LRRK2: variants seen among roughly 807,000 people sequenced by gnomAD.
LRRK2 encodes leucine-rich repeat serine/threonine-protein kinase 2.
In LRRK2, 203 loss-of-function variants were observed where a neutral mutation model predicts 302.6. That is an observed-to-expected ratio of 0.67 (90% CI 0.60 to 0.75). The LOEUF is 0.75. LRRK2 is among the 30% of genes least tolerant of loss of function. LRRK2 has a pLI of 0.00. For missense variants in LRRK2, 2,830 were observed against 2,951.0 expected (o/e 0.96, Z 0.95); for synonymous variants, 1,066 against 1,031.9 (o/e 1.03, Z -0.63).
chr12:40,313,429 T>G (rs1245221389), intron 31 of LRRK2, among the ~76,000 whole-genome samples: 2 of 152,022 alleles, frequency 1.3e-5, no homozygotes, highest in Admixed American at 6.6e-5. Context: ...TTTCCCAAGT[T>G]CAAGGTTCCA....
Position 40,364,990 on chromosome 12 carries a change from C to T in LRRK2, c.7330C>T (p.Leu2444Phe), listed in dbSNP as rs1946833548. 1 of 1,612,632 alleles carries T rather than the reference C, an allele frequency of 6.2e-7. No homozygotes were observed. Among genetic ancestry groups the T allele is most frequent in the Non-Finnish European group, 8.5e-7 (1 of 1,179,078 alleles). ...ACTCCTGGATCTTTCAACTCGTCGA[C>T]TTATACGTGTAATTTACAACTTTTG... The part of the protein sequence containing the change: ...ILLLDLSTRR[L>F]IRVIYNFCNS... The change falls in exon 49 of 51, where the codon CTT becomes TTT. Residue 2444 changes from leucine (L) to phenylalanine (F), a missense_variant. Physicochemically the swap from Leu to Phe is conservative, Grantham distance 22. Coordinates refer to ENST00000298910, the MANE Select transcript of LRRK2 (RefSeq NM_198578.4).
chr12:40,296,995 G>T (rs898565772), intron 23 of LRRK2, among the ~76,000 whole-genome samples: 26 of 152,080 alleles, frequency 1.7e-4, no homozygotes, highest in African/African-American at 6.3e-4. Flanking sequence ...AACACCTGAT[G>T]CTTTCCACCT....
chr12:40,272,687 A>C (rs1288833321), intron 14 of LRRK2, among the ~76,000 whole-genome samples: 1 of 152,162 alleles, frequency 6.6e-6, no homozygotes, highest in Non-Finnish European at 1.5e-5. Flanking sequence ...GAGATGGGTA[A>C]AGGAATGATT....
chr12:40,294,545 A>C (rs1944305404), intron 21 of LRRK2, among the ~76,000 whole-genome samples: 1 of 152,062 alleles, frequency 6.6e-6, no homozygotes. Flanking sequence ...TTTAGTTATA[A>C]AAAGTAGTTT....
At chr12:40,323,714 TGA>T (rs1326323253) in intron 38 of LRRK2, among the ~76,000 whole-genome samples, 1 of 151,964 alleles carries the variant, frequency 6.6e-6, no homozygotes, top group African/African-American at 2.4e-5. Flanking sequence ...TGACTCAGTG[TGA>T]CAATGCTGAA....
rs962843791 is a variant in LRRK2 at position 40,245,039 on chromosome 12, T to C, written c.838+1358T>C. ...AAAGAAAATACCTTCCCTTGACTTG[T>C]AGCATGTCTTTTCACCGTCTTTATG... is the stretch of plus-strand genomic sequence containing the variant. On this transcript the variant is annotated intron_variant, in intron 7 of 50. Coordinates refer to ENST00000298910, the MANE Select transcript of LRRK2 (RefSeq NM_198578.4). Among the ~76,000 whole-genome samples, 6 of 151,852 alleles carry C rather than the reference T, an allele frequency of 4.0e-5. No homozygotes were observed. The South Asian group carries it at 1.0e-3, about 26-fold the overall frequency.
At chr12:40,359,515 T>G in intron 47 of LRRK2, 71 bp downstream of exon 47, 1 of 1,166,898 alleles carries the variant, frequency 8.6e-7, no homozygotes, top group Non-Finnish European at 1.3e-6. Context: ...TCATTAATAA[T>G]ACTGTTGATA....
Position 40,348,513 on chromosome 12 carries a change from T to G in LRRK2, c.6381+4T>G. 1 of 1,591,094 alleles carries G rather than the reference T, an allele frequency of 6.3e-7. No homozygotes were observed. ...AGAAAGGCCTACTTCTGCCCAGGTA[T>G]TCTTAAAGTTTTGTTAATATTTTGT... On this transcript the variant is annotated splice_donor_region_variant and intron_variant, in intron 43 of 50. Transcript: ENST00000298910.
intron 27 of LRRK2, among the ~76,000 whole-genome samples, chr12:40,305,386 T>C (rs750578351): frequency 3.9e-5 from 6 of 152,090 alleles, no homozygotes; most frequent in Admixed American, 6.6e-5. Context: ...GAACACTAAA[T>C]TGCATGCAGG....
chr12:40,241,076 C>A (rs1941698409), intron 6 of LRRK2, among the ~76,000 whole-genome samples: 1 of 152,160 alleles, frequency 6.6e-6, no homozygotes, highest in African/African-American at 2.4e-5. Flanking sequence ...TGTAAAGATG[C>A]TGGAGCAAGA....
rs35987733 is a variant in LRRK2 at position 40,242,804 on chromosome 12, C to CAAAAAAAAAA, written c.707-742_707-733dup. On this transcript the variant is annotated intron_variant, in intron 6 of 50. Transcript: ENST00000298910. ...TAAAAGTGTTCCTATTTCTCCACAT[C>CAAAAAAAAAA]AAAAAAAAAAAAAGGTAAGCAATAT... Among the ~76,000 whole-genome samples, 7 of 20,030 alleles carry CAAAAAAAAAA rather than the reference C, an allele frequency of 3.5e-4. 1 individual carries two copies. Among genetic ancestry groups the CAAAAAAAAAA allele is most frequent in the African/African-American group, 8.8e-4 (6 of 6,800 alleles). 13.1% of individuals were successfully genotyped at this position (20,030 alleles called of 152,430 possible).
intron 38 of LRRK2, among the ~76,000 whole-genome samples, chr12:40,324,651 A>T (rs11176030): frequency 0.27 from 41,507 of 152,104 alleles, 5,967 homozygotes; most frequent in South Asian, 0.37. Flanking sequence ...AGTTGTCCAA[A>T]ATTTGAGACA....
At chr12:40,225,814 G>C (rs1220770946) in intron 2 of LRRK2, among the ~76,000 whole-genome samples, 174 bp downstream of exon 2, 1 of 152,104 alleles carries the variant, frequency 6.6e-6, no homozygotes, top group Non-Finnish European at 1.5e-5. Context: ...AATGTAAACG[G>C]GATGAAGAGC....
intron 3 of LRRK2, among the ~76,000 whole-genome samples, chr12:40,233,951 C>G (rs1390881050): frequency 6.6e-6 from 1 of 152,182 alleles, no homozygotes; most frequent in Non-Finnish European, 1.5e-5. Context: ...ACTGCTGTCT[C>G]CAGTGGAGTG....
chr12:40,336,153 G>C (rs1684900170), intron 40 of LRRK2, among the ~76,000 whole-genome samples: 1 of 152,040 alleles, frequency 6.6e-6, no homozygotes, highest in South Asian at 2.1e-4. Flanking sequence ...TGGGTACAGT[G>C]CTCAGCCACT....
At chr12:40,271,485 A>G (rs2136586055) in intron 14 of LRRK2, among the ~76,000 whole-genome samples, 1 of 152,258 alleles carries the variant, frequency 6.6e-6, no homozygotes, top group Admixed American at 6.5e-5. Flanking sequence ...GAGAGTAAAA[A>G]AGCATAGGTG....
At chr12:40,311,151 C>G (rs934508074) in intron 31 of LRRK2, among the ~76,000 whole-genome samples, 5 of 152,016 alleles carry the variant, frequency 3.3e-5, no homozygotes, top group Admixed American at 2.6e-4. Context: ...CAATTTTTTT[C>G]CCTCCGTATT....
At chr12:40,348,269 G>T in intron 42 of LRRK2, 140 bp from the exon 43 acceptor site, 1 of 627,638 alleles carries the variant, frequency 1.6e-6, no homozygotes, top group Non-Finnish European at 2.7e-6. Flanking sequence ...TTAATTTTGT[G>T]ACAAGTAAAT....
At chr12:40,340,941 C>A (rs530411544) in intron 41 of LRRK2, among the ~76,000 whole-genome samples, 4 of 152,294 alleles carry the variant, frequency 2.6e-5, no homozygotes, top group East Asian at 3.9e-4. Context: ...ATCTTTATTT[C>A]TCATGCTCAG....
Sources: gnomAD v4.1 joint callset for allele counts (sites outside exome capture counted in the v4.1 genomes callset) on GRCh38, gnomAD v4.1.1 for gene constraint, MANE v1.5 for transcripts, NCBI Gene and HGNC (gene_info 2026-07-23, HGNC 2026-07-21) for gene names.